The following COG5 variants were observed in gnomAD, a reference collection of about 807,000 sequenced individuals.
COG5 encodes the protein component of oligomeric golgi complex 5, also known as conserved oligomeric Golgi complex subunit 5.
In COG5, 86 loss-of-function variants were observed where a neutral mutation model predicts 110.4. The observed-to-expected ratio is 0.78, with a 90% CI of 0.65 to 0.93. COG5 has a LOEUF of 0.93. Ranked by LOEUF, COG5 falls within the 40% of genes least tolerant of loss-of-function variation. The probability of loss-of-function intolerance (pLI) is 0.00; values close to 1 mark genes in which losing one functional copy is unlikely to be tolerated. For synonymous variants in COG5, 360 were observed against 334.6 expected (o/e 1.08, Z -0.83); for missense variants, 1,077 against 987.0 (o/e 1.09, Z -1.22).
intron 12 of COG5, among the ~76,000 whole-genome samples, chr7:107,294,073 AAAAAAT>A (rs1479665843): frequency 6.6e-6 from 1 of 152,194 alleles, no homozygotes; most frequent in African/African-American, 2.4e-5. Flanking sequence ...ACTCCATCTA[AAAAAAT>A]AAAAATAAAA....
chr7:107,324,393 T>C, intron 11 of COG5, 47 bp downstream of exon 11: 1 of 1,217,032 alleles, frequency 8.2e-7, no homozygotes, highest in Non-Finnish European at 1.2e-6. Context: ...AATGATAAAA[T>C]AACTTAAAAC....
chr7:107,324,253 A>C lies in COG5; in HGVS notation c.1108+187T>G, dbSNP rs141182281. ...ATATTAATTACTAAAATGTGTAAAA[A>C]TTTTGTTTACTGAATATATGTCTAG... is the stretch of plus-strand genomic sequence containing the variant. On this transcript the variant is annotated intron_variant, in intron 11 of 21. Transcript: ENST00000297135. Among the ~76,000 whole-genome samples the C allele has an allele frequency of 6.3e-3, 960 of 152,248 alleles. 8 individuals are homozygous for C. Among genetic ancestry groups the C allele is most frequent in the Middle Eastern group, 0.017 (5 of 294 alleles).
chr7:107,396,123 CTT>C (rs1305637091), intron 7 of COG5, among the ~76,000 whole-genome samples: 18 of 152,140 alleles, frequency 1.2e-4, no homozygotes, highest in Non-Finnish European at 2.6e-4. Flanking sequence ...ACACGTAACA[CTT>C]TTTCTGGAGA....
chr7:107,254,803 A>T (rs1298428645), intron 16 of COG5, among the ~76,000 whole-genome samples: 1 of 152,208 alleles, frequency 6.6e-6, no homozygotes, highest in East Asian at 1.9e-4. Flanking sequence ...GATTTTTATC[A>T]TCAAAGTGAA....
intron 1 of COG5, among the ~76,000 whole-genome samples, chr7:107,562,811 T>C (rs1803978851): frequency 1.3e-5 from 2 of 152,226 alleles, no homozygotes; most frequent in South Asian, 4.1e-4. Flanking sequence ...ATTTGGAACT[T>C]TATTTCATTT....
rs1448046179 is a variant in COG5 at position 107,474,470 on chromosome 7, C to G, written c.538+52767G>C. 1 of 1,613,414 alleles carries G rather than the reference C, an allele frequency of 6.2e-7. No individual in the cohort carries two copies. The highest frequency in any genetic ancestry group is 8.5e-7 in the Non-Finnish European group (1 of 1,179,596). On this transcript the variant is annotated intron_variant, in intron 6 of 21. Transcript: ENST00000297135. This position sits in a 1 kb window ranked among gnomAD's most constrained non-coding sequence, Gnocchi z 5.7. ...ACAGCAATCAACGTTTTTGCTATCA[C>G]TTTGGACAGATATGACATCTCTGTA...
rs368331483 is a variant in COG5 at position 107,412,557 on chromosome 7, C to A, written c.614G>T (p.Arg205Leu). ...CTTAGCTTGATTTTCCACTTCAAGTCGGGCTCTTGCAATAAAAAGTAGATC... is the reference window on the plus strand; with the variant it reads ...CTTAGCTTGATTTTCCACTTCAAGTAGGGCTCTTGCAATAAAAAGTAGATC... ...ENDLLFIARA[R>L]LEVENQAKRL... The change falls in exon 7 of 22, where the codon CGA (arginine) becomes CTA (leucine). Residue 205 changes from arginine to leucine, a missense_variant. Coordinates refer to ENST00000297135, the MANE Select transcript of COG5 (RefSeq NM_006348.5). The A allele has an allele frequency of 8.1e-6, 13 of 1,612,116 alleles. No individual in the cohort carries two copies. Among genetic ancestry groups the A allele is most frequent in the Non-Finnish European group, 1.1e-5 (13 of 1,178,862 alleles).
At chr7:107,356,538 T>TA (rs1446899286) in intron 10 of COG5, among the ~76,000 whole-genome samples, 1 of 151,954 alleles carries the variant, frequency 6.6e-6, no homozygotes, top group African/African-American at 2.4e-5. Context: ...TGACTCATAA[T>TA]AAATAAAACA....
chr7:107,434,696 C>T (rs10250582), intron 6 of COG5, among the ~76,000 whole-genome samples: 90,609 of 152,048 alleles, frequency 0.6, 29,791 homozygotes, highest in African/African-American at 0.89. Flanking sequence ...ATTGGCTGGG[C>T]GCGGTGGCTC....
chr7:107,467,538 G>C (rs1339757255), intron 6 of COG5, among the ~76,000 whole-genome samples: 1 of 151,984 alleles, frequency 6.6e-6, no homozygotes, highest in Non-Finnish European at 1.5e-5. Flanking sequence ...TTTTTGTAGA[G>C]ACAGGGTTTC....
intron 10 of COG5, among the ~76,000 whole-genome samples, chr7:107,337,088 C>T (rs1266871265): frequency 6.6e-6 from 1 of 151,764 alleles, no homozygotes; most frequent in Non-Finnish European, 1.5e-5. Flanking sequence ...CAAATCAAAA[C>T]CACAACGAGA....
At chr7:107,305,435 G>A (rs1477477948) in intron 11 of COG5, among the ~76,000 whole-genome samples, 2 of 152,114 alleles carry the variant, frequency 1.3e-5, no homozygotes, top group African/African-American at 4.8e-5. Flanking sequence ...ATTGCCTTTA[G>A]GATGTCTTGA....
chr7:107,527,822 TTCAAGTGGG>T (rs1800882567), intron 5 of COG5, among the ~76,000 whole-genome samples: 1 of 152,170 alleles, frequency 6.6e-6, no homozygotes, highest in Admixed American at 6.5e-5. Context: ...TGATTACAAA[TTCAAGTGGG>T]TAGACTGAAA....
At chr7:107,377,147 T>C (rs1814704894) in intron 7 of COG5, among the ~76,000 whole-genome samples, 1 of 152,210 alleles carries the variant, frequency 6.6e-6, no homozygotes, top group African/African-American at 2.4e-5. Context: ...AACACTGGTT[T>C]ATTTATTCCT....
chr7:107,512,791 T>C (rs1161067872), intron 6 of COG5, among the ~76,000 whole-genome samples: 1 of 151,910 alleles, frequency 6.6e-6, no homozygotes, highest in South Asian at 2.1e-4. Flanking sequence ...AAACAAGCAA[T>C]GGGGAAAGGA....
intron 10 of COG5, among the ~76,000 whole-genome samples, chr7:107,326,315 CAAGAAA>C (rs1374230837): frequency 6.6e-6 from 1 of 151,758 alleles, no homozygotes; most frequent in African/African-American, 2.4e-5. Context: ...AAGGACCAAG[CAAGAAA>C]AAGAAATAAA....
intron 16 of COG5, among the ~76,000 whole-genome samples, chr7:107,252,839 C>G (rs1802620514): frequency 6.6e-6 from 1 of 151,886 alleles, no homozygotes; most frequent in Non-Finnish European, 1.5e-5. Flanking sequence ...GCAGAAAAAG[C>G]TATTTAATGA....
chr7:107,409,390 ATTACTGAAAGTAATCTACT>A (rs1792109258), intron 7 of COG5, among the ~76,000 whole-genome samples: 1 of 152,028 alleles, frequency 6.6e-6, no homozygotes, highest in Admixed American at 6.5e-5. Context: ...CACCCAGTAG[ATTACTGAAAGTAATCTACT>A]TTCAGTAGAT....
At chr7:107,372,159 TC>T (rs1388486846) in intron 8 of COG5, among the ~76,000 whole-genome samples, 67 of 152,276 alleles carry the variant, frequency 4.4e-4, no homozygotes, top group Non-Finnish European at 5.9e-5. Context: ...AGTTTCTATG[TC>T]CACAGTCAGT....
Sources: allele counts gnomAD v4.1 joint callset (sites outside exome capture counted in the v4.1 genomes callset), GRCh38; gene constraint gnomAD v4.1.1; non-coding constraint Gnocchi (gnomAD v3.1); transcripts MANE v1.5; gene names NCBI Gene and HGNC (gene_info 2026-07-23, HGNC 2026-07-21).